The following HEMK2 variants were observed in gnomAD, a reference collection of about 807,000 sequenced individuals.
HEMK2 encodes the protein methyltransferase HEMK2.
the HEMK2 span, among the ~76,000 whole-genome samples, chr21:28,832,493 C>G: frequency 6.6e-6 from 1 of 152,142 alleles, no homozygotes; most frequent in East Asian, 1.9e-4. Context: ...AATTTAATAG[C>G]AGTAGTAAAC....
At chr21:28,660,347 C>A in the HEMK2 span, among the ~76,000 whole-genome samples, 1 of 151,606 alleles carries the variant, frequency 6.6e-6, no homozygotes, top group Non-Finnish European at 1.5e-5. Context: ...ATTGGGCAAG[C>A]TTTACTTGTT....
chr21:28,682,097 C>A, the HEMK2 span, among the ~76,000 whole-genome samples: 1 of 151,772 alleles, frequency 6.6e-6, no homozygotes, highest in South Asian at 2.1e-4. Context: ...AAGAAACTAC[C>A]ATCAGAGTGA....
At chr21:28,841,681 G>C in the HEMK2 span, among the ~76,000 whole-genome samples, 6 of 150,662 alleles carry the variant, frequency 4.0e-5, no homozygotes, top group East Asian at 1.2e-3. Flanking sequence ...GAGTGGGAGG[G>C]GATGAGGGAT....
At chr21:28,758,586 C>A in the HEMK2 span, among the ~76,000 whole-genome samples, 2 of 152,032 alleles carry the variant, frequency 1.3e-5, no homozygotes, top group African/African-American at 4.8e-5. Context: ...TTAGGAAGGG[C>A]AACGAGCAGA....
the HEMK2 span, among the ~76,000 whole-genome samples, chr21:28,831,606 GGAAAGAAGGAAAGAAGGAAA>G: frequency 2.9e-5 from 2 of 68,412 alleles, no homozygotes; most frequent in East Asian, 1.3e-3. Context: ...AAGGAAAGAA[GGAAAGAAGGAAAGAAGGAAA>G]GAAGGAAGGA....
chr21:28,665,334 C>A, the HEMK2 span, among the ~76,000 whole-genome samples: 200 of 36,698 alleles, frequency 5.4e-3, 1 homozygote, highest in African/African-American at 0.023. Context: ...ATTTATATTT[C>A]TTTTTTTTTT....
the HEMK2 span, among the ~76,000 whole-genome samples, chr21:28,858,809 G>A: frequency 2.8e-4 from 43 of 152,170 alleles, no homozygotes; most frequent in East Asian, 7.7e-4. Context: ...AGCTATGATC[G>A]CACCACTGAC....
At chr21:28,681,590 T>C in the HEMK2 span, among the ~76,000 whole-genome samples, 3 of 152,104 alleles carry the variant, frequency 2.0e-5, no homozygotes, top group East Asian at 5.8e-4. Context: ...CCTGCATTGC[T>C]AAGTCAATCC....
chr21:28,596,403 A>G, the HEMK2 span, among the ~76,000 whole-genome samples: 1 of 152,298 alleles, frequency 6.6e-6, no homozygotes, highest in South Asian at 2.1e-4. Flanking sequence ...TGATCTTCTC[A>G]GTATTACAAC....
the HEMK2 span, among the ~76,000 whole-genome samples, chr21:28,742,932 T>C: frequency 1.7e-4 from 26 of 152,334 alleles, no homozygotes; most frequent in Non-Finnish European, 3.7e-4. Context: ...TGAACCATTT[T>C]TAAGTTTATT....
the HEMK2 span, among the ~76,000 whole-genome samples, chr21:28,690,675 AACCACTCTCTT>A: frequency 3.9e-5 from 6 of 152,170 alleles, no homozygotes; most frequent in African/African-American, 1.4e-4. Context: ...TCCACAAAGA[AACCACTCTCTT>A]GCCTTTACAG....
At chr21:28,623,183 C>G in the HEMK2 span, among the ~76,000 whole-genome samples, 6 of 152,136 alleles carry the variant, frequency 3.9e-5, no homozygotes, top group African/African-American at 1.4e-4. Context: ...AGGACATGAA[C>G]AGACACTTCT....
chr21:28,656,222 C>T, the HEMK2 span, among the ~76,000 whole-genome samples: 1 of 152,028 alleles, frequency 6.6e-6, no homozygotes, highest in Non-Finnish European at 1.5e-5. Flanking sequence ...ACTGACACAA[C>T]CCAAGAAGTG....
At chr21:28,629,132 C>T in the HEMK2 span, among the ~76,000 whole-genome samples, 1 of 152,196 alleles carries the variant, frequency 6.6e-6, no homozygotes, top group Non-Finnish European at 1.5e-5. Context: ...CTGGGAAACA[C>T]AGGCATAATG....
chr21:28,655,097 C>T, the HEMK2 span, among the ~76,000 whole-genome samples: 2 of 152,014 alleles, frequency 1.3e-5, no homozygotes, highest in Non-Finnish European at 2.9e-5. Context: ...GAAAAAATTA[C>T]ATGTGTTCTC....
At chr21:28,850,371 C>T in the HEMK2 span, among the ~76,000 whole-genome samples, 1 of 152,060 alleles carries the variant, frequency 6.6e-6, no homozygotes. Context: ...ACTACAGGCG[C>T]CCGCCACCAC....
the HEMK2 span, among the ~76,000 whole-genome samples, chr21:28,867,877 T>C: frequency 1.3e-5 from 2 of 152,224 alleles, no homozygotes; most frequent in South Asian, 4.1e-4. Context: ...TCCCATTCCA[T>C]TGTCATAAAA....
At chr21:28,768,404 T>C in the HEMK2 span, among the ~76,000 whole-genome samples, 3 of 134,634 alleles carry the variant, frequency 2.2e-5, no homozygotes, top group Non-Finnish European at 5.0e-5. Flanking sequence ...CCTTATTTCA[T>C]GGATTGGCCA....
At chr21:28,745,510 C>A in the HEMK2 span, among the ~76,000 whole-genome samples, 1 of 152,188 alleles carries the variant, frequency 6.6e-6, no homozygotes, top group Admixed American at 6.5e-5. Flanking sequence ...GCCTGTACCC[C>A]TCTCCACAGA....
Sources: gnomAD v4.1 joint callset for allele counts (sites outside exome capture counted in the v4.1 genomes callset) on GRCh38, gnomAD v4.1.1 for gene constraint, MANE v1.5 for transcripts, NCBI Gene and HGNC (gene_info 2026-07-23, HGNC 2026-07-21) for gene names.